SMG6: variants seen among roughly 807,000 people sequenced by gnomAD.
SMG6 encodes SMG6 nonsense mediated mRNA decay factor.
SMG6 carries 66 observed loss-of-function variants against 142.2 expected under a neutral mutation model. The ratio of observed to expected loss-of-function variants is 0.46; its 90% CI spans 0.38 to 0.57. The LOEUF (loss-of-function observed/expected upper bound fraction) is 0.57. SMG6 is among the 20% of genes least tolerant of loss of function. The probability of loss-of-function intolerance (pLI) is 0.00; values close to 1 mark genes in which losing one functional copy is unlikely to be tolerated. For synonymous variants in SMG6, 779 were observed against 702.4 expected, an observed-to-expected ratio of 1.11 and a Z score of -1.72; for missense variants, 1,793 against 1,832.0, an observed-to-expected ratio of 0.98 and a Z score of 0.39.
At chr17:2,229,808 T>C (rs1471726498) in intron 10 of SMG6, among the ~76,000 whole-genome samples, 1 of 152,108 alleles carries the variant, frequency 6.6e-6, no homozygotes, top group East Asian at 1.9e-4. Context: ...GAATTCAGCA[T>C]ACAGTATGAA....
At chr17:2,124,521 C>G (rs935981076) in intron 13 of SMG6, among the ~76,000 whole-genome samples, 1 of 152,146 alleles carries the variant, frequency 6.6e-6, no homozygotes, top group African/African-American at 2.4e-5. Flanking sequence ...TATAAAACCC[C>G]ACAAACCCAC....
chr17:2,297,401 A>G, intron 3 of SMG6, 48 bp from the exon 4 acceptor site: 1 of 1,411,690 alleles, frequency 7.1e-7, no homozygotes, highest in Non-Finnish European at 9.7e-7. Context: ...TTCTAATCCA[A>G]CCTATCCACC....
At chr17:2,278,387 T>C (rs1209722008) in intron 8 of SMG6, among the ~76,000 whole-genome samples, 1 of 152,006 alleles carries the variant, frequency 6.6e-6, no homozygotes, top group Non-Finnish European at 1.5e-5. Context: ...GTATTTTTAG[T>C]ACAGATGGGG....
intron 15 of SMG6, among the ~76,000 whole-genome samples, chr17:2,075,927 C>T (rs1011471344): frequency 2.0e-5 from 3 of 152,226 alleles, no homozygotes; most frequent in Admixed American, 6.5e-5. Context: ...TTCTGACCTC[C>T]AGTCGGCCCC....
rs752538723 is a variant in SMG6, at chr17:2,172,731, C to T, written c.3284G>A (p.Arg1095Gln). ...CAAGGGGACAAAGCCCGAGAGAAGC[C>T]GATCCTCTTCCAGGATAAGAAGGGT... ...DLTLLILEEDRLLSGFVPLLA... is the reference protein window; with the variant it reads ...DLTLLILEEDQLLSGFVPLLA... Residue 1095 changes from arginine to glutamine, a missense_variant, in exon 13 of 19, where the codon CGG (arginine) becomes CAG (glutamine). Physicochemically the swap from Arg to Gln is conservative, Grantham distance 43. This residue lies in a region of SMG6 where 1,597 missense variants were observed against 1,584.6 expected (regional missense o/e 1.01). Transcript: ENST00000263073. 4 of 1,614,084 alleles carry T rather than the reference C, an allele frequency of 2.5e-6. 1 individual carries two copies. The South Asian group carries it at 3.3e-5, about 13-fold the overall frequency.
chr17:2,139,207 G>T (rs1433280009), intron 13 of SMG6, among the ~76,000 whole-genome samples: 1 of 152,216 alleles, frequency 6.6e-6, no homozygotes, highest in Non-Finnish European at 1.5e-5. Flanking sequence ...TGGGGAAGTT[G>T]TGCAAGAAAA....
At chr17:2,122,647 G>A (rs1200293467) in intron 13 of SMG6, 4 of 152,248 alleles carry the variant, frequency 2.6e-5, no homozygotes, top group African/African-American at 9.6e-5. Flanking sequence ...CAATGGCGAA[G>A]CTAAGTTAGA....
At chr17:2,132,243 A>G (rs1178463626) in intron 13 of SMG6, among the ~76,000 whole-genome samples, 1 of 152,192 alleles carries the variant, frequency 6.6e-6, no homozygotes, top group Non-Finnish European at 1.5e-5. Flanking sequence ...AAAATCTATG[A>G]GGTAAGAGAC....
intron 2 of SMG6, among the ~76,000 whole-genome samples, 174 bp downstream of exon 2, chr17:2,298,732 A>AG (rs1405799204): frequency 7.9e-5 from 12 of 152,054 alleles, no homozygotes; most frequent in African/African-American, 2.7e-4. Context: ...AAAAAAAAAA[A>AG]AAAGACTAGA....
intron 8 of SMG6, among the ~76,000 whole-genome samples, chr17:2,253,118 AT>A (rs1196893986): frequency 3.8e-4 from 39 of 101,392 alleles, no homozygotes; most frequent in African/African-American, 1.2e-3. Flanking sequence ...AAAATATTTT[AT>A]TTTATTTATT....
At chr17:2,147,047 C>A (rs1259372825) in intron 13 of SMG6, among the ~76,000 whole-genome samples, 1 of 152,026 alleles carries the variant, frequency 6.6e-6, no homozygotes, top group Non-Finnish European at 1.5e-5. Flanking sequence ...GAAAGAAAAT[C>A]CAAAAGAAGG....
intron 8 of SMG6, among the ~76,000 whole-genome samples, chr17:2,263,561 T>G (rs550073208): frequency 6.6e-6 from 1 of 152,242 alleles, no homozygotes; most frequent in African/African-American, 2.4e-5. Context: ...AAAATAAAAA[T>G]GTGTGGTTAA....
intron 15 of SMG6, among the ~76,000 whole-genome samples, chr17:2,073,552 T>C (rs1346366062): frequency 6.7e-6 from 1 of 150,260 alleles, no homozygotes; most frequent in Non-Finnish European, 1.5e-5. Context: ...CTACTAAAAA[T>C]ACAAAAATTA....
chr17:2,242,401 G>T (rs1392573804), intron 9 of SMG6, among the ~76,000 whole-genome samples: 8 of 147,438 alleles, frequency 5.4e-5, no homozygotes, highest in Non-Finnish European at 1.2e-4. Flanking sequence ...ATGGTGGCAG[G>T]CACCTGTAGT....
At chr17:2,113,194 T>A (rs2069392781) in intron 13 of SMG6, among the ~76,000 whole-genome samples, 1 of 152,068 alleles carries the variant, frequency 6.6e-6, no homozygotes, top group Non-Finnish European at 1.5e-5. Context: ...TTCAGCCTCC[T>A]GATTAGTGAA....
intron 10 of SMG6, among the ~76,000 whole-genome samples, chr17:2,203,897 A>AG (rs1246030459): frequency 6.6e-6 from 1 of 152,218 alleles, no homozygotes; most frequent in Non-Finnish European, 1.5e-5. Flanking sequence ...GGGCAGGCAG[A>AG]GGGGCAGGGA....
In SMG6 at chr17:2,085,389, T is replaced by A. The variant is rs868643513; in HGVS notation, c.3534+336A>T. Among the ~76,000 whole-genome samples, 1 of 152,172 alleles carries A rather than the reference T, an allele frequency of 6.6e-6. No homozygotes were observed. Among genetic ancestry groups the A allele is most frequent in the Non-Finnish European group, 1.5e-5 (1 of 68,028 alleles). On this transcript the variant is annotated intron_variant, in intron 14 of 18. Transcript: ENST00000263073. The surrounding 1 kb of genome is among the most constrained non-coding windows in gnomAD (Gnocchi z 4.1). Reference sequence around the variant, plus strand: ...AGTTCAGGCCTGTGCTGCATTGGGCTCCACACATCTATAAACTTGATCCTG... The same window carrying A: ...AGTTCAGGCCTGTGCTGCATTGGGCACCACACATCTATAAACTTGATCCTG...
intron 13 of SMG6, among the ~76,000 whole-genome samples, chr17:2,112,252 C>A (rs2069345629): frequency 6.6e-6 from 1 of 151,752 alleles, no homozygotes; most frequent in South Asian, 2.1e-4. Flanking sequence ...CGCCTGTAAT[C>A]CCAGCACTTT....
chr17:2,137,591 C>T (rs1442248012), intron 13 of SMG6, among the ~76,000 whole-genome samples: 1 of 152,064 alleles, frequency 6.6e-6, no homozygotes, highest in East Asian at 1.9e-4. Flanking sequence ...CAACACTTCC[C>T]TCTCAGTGAA....
Sources: allele counts gnomAD v4.1 joint callset (sites outside exome capture counted in the v4.1 genomes callset), GRCh38; gene constraint gnomAD v4.1.1; regional missense constraint gnomAD v4.1.1; non-coding constraint Gnocchi (gnomAD v3.1); transcripts MANE v1.5; gene names NCBI Gene and HGNC (gene_info 2026-07-23, HGNC 2026-07-21).